Variants in TRABD observed in about 807,000 individuals in gnomAD.
The protein encoded by TRABD is traB domain-containing protein.
TRABD carries 23 observed loss-of-function variants against 39.6 expected under a neutral mutation model. The observed-to-expected ratio is 0.58, with a 90% CI of 0.42 to 0.82. TRABD has a LOEUF of 0.82. TRABD is among the 40% of genes least tolerant of loss of function. The pLI is 0.00. For synonymous variants in TRABD, 243 were observed against 232.1 expected, an observed-to-expected ratio of 1.05 and a Z score of -0.43; for missense variants, 487 against 544.9, an observed-to-expected ratio of 0.89 and a Z score of 1.06.
At chr22:50,187,478 G>C (rs905950771) in intron 1 of TRABD, among the ~76,000 whole-genome samples, 1 of 152,256 alleles carries the variant, frequency 6.6e-6, no homozygotes, top group Non-Finnish European at 1.5e-5. Context: ...GACCAGTTTG[G>C]AACCTGGGCT....
Position 50,197,990 on chromosome 22 carries a change from C to T in TRABD, c.839C>T (p.Ser280Phe). Reference sequence around the variant, plus strand: ...CGGCGCCTCGAGCTGCCTCGGGCCTCTGACGGTGACGGCCGCCCGCAGGCG... The same window carrying T: ...CGGCGCCTCGAGCTGCCTCGGGCCTTTGACGGTGACGGCCGCCCGCAGGCG... Reference protein sequence around the residue: ...AARRLELPRASDAEPRKCVPS... With the variant: ...AARRLELPRAFDAEPRKCVPS... The change falls in exon 8 of 10, where the codon TCT becomes TTT. Residue 280 changes from serine to phenylalanine, a missense_variant. Physicochemically the swap from Ser to Phe is radical, Grantham distance 155. This residue lies in a region of TRABD where 358 missense variants were observed against 414.7 expected (regional missense o/e 0.86). Transcript: ENST00000380909. The T allele has an allele frequency of 6.2e-7, 1 of 1,611,316 alleles. No homozygotes were observed. Among genetic ancestry groups the T allele is most frequent in the Middle Eastern group, 1.7e-4 (1 of 6,058 alleles).
chr22:50,193,617 G>A lies in TRABD; in HGVS notation c.75G>A (p.Pro25=), dbSNP rs748788228. Residue 25 remains proline (P), a synonymous_variant, in exon 3 of 10, where the codon CCG becomes CCA. Coordinates refer to ENST00000380909, the MANE Select transcript of TRABD (RefSeq NM_001320485.2). ...TTGTGCCGTCAGAGGCTTCAGAGCC[G>A]GTGCCCAGGGTGCTTTCTGGAGACC... The part of the protein sequence containing the change: ...EPVVPSEASE[P]VPRVLSGDPQ... 6.2e-5 allele frequency: 100 copies of A among 1,613,686 alleles called. No individual in the cohort carries two copies. The highest frequency in any genetic ancestry group is 2.7e-4 in the African/African-American group (20 of 74,918).
chr22:50,199,367 T>C lies in TRABD; in HGVS notation c.*848T>C. On this transcript the variant is annotated 3_prime_UTR_variant, in exon 10 of 10. Transcript: ENST00000380909. ...CAAGGACATGGGCTGTGGCCAGGCC[T>C]GTCCCGCTCAGGCCCCCTGCCCGGC... 2.3e-6 allele frequency: 1 copy of C among 435,208 alleles called. No homozygotes were observed. The highest frequency in any genetic ancestry group is 4.1e-6 in the Non-Finnish European group (1 of 241,332). The allele number at this position is 435,208 out of a possible 1,614,324, so 27.0% of individuals were successfully genotyped here.
chr22:50,187,150 C>CT (rs2063779859), intron 1 of TRABD, among the ~76,000 whole-genome samples: 1 of 151,884 alleles, frequency 6.6e-6, no homozygotes, highest in Non-Finnish European at 1.5e-5. Flanking sequence ...AGGAGGGGGC[C>CT]TGGCAGGGTG....
Position 50,198,412 on chromosome 22 carries a change from C to T in TRABD, c.1024C>T (p.Leu342=). The change falls in exon 10 of 10, where the codon CTG becomes TTG. Residue 342 remains leucine (L), a synonymous_variant. Coordinates refer to ENST00000380909, the MANE Select transcript of TRABD (RefSeq NM_001320485.2). This position sits in a 1 kb window ranked among gnomAD's most constrained non-coding sequence, Gnocchi z 7.9. ...CGTGAAGGCCGCCTTCTTCGGCCTGCTGGGCTACAGCCTGTACTGGATGGG... is the reference window on the plus strand; with the variant it reads ...CGTGAAGGCCGCCTTCTTCGGCCTGTTGGGCTACAGCCTGTACTGGATGGG... ...LAVKAAFFGL[L]GYSLYWMGRR... is the part of the protein sequence containing the mutation. 1 of 1,596,706 alleles carries T rather than the reference C, an allele frequency of 6.3e-7. No homozygotes were observed.
In TRABD at chr22:50,197,429, A is replaced by C; in HGVS notation, c.532-20A>C. 1 of 1,613,352 alleles carries C rather than the reference A, an allele frequency of 6.2e-7. No individual in the cohort carries two copies. The highest frequency in any genetic ancestry group is 8.5e-7 in the Non-Finnish European group (1 of 1,179,764). On this transcript the variant is annotated intron_variant, in intron 6 of 9. Coordinates refer to ENST00000380909, the MANE Select transcript of TRABD (RefSeq NM_001320485.2). ...GGTCCGGGGTTCCCACTGCTCCCCA[A>C]CACCCAGCCTCTGCTCCAGGCCAGC...
At chr22:50,189,180 C>G (rs573937075) in intron 1 of TRABD, among the ~76,000 whole-genome samples, 4 of 152,280 alleles carry the variant, frequency 2.6e-5, no homozygotes, top group African/African-American at 9.6e-5. Context: ...CGAGGCTGAC[C>G]GCTAAAGCAG....
Position 50,198,168 on chromosome 22 carries a change from A to G in TRABD, c.938A>G (p.Asn313Ser), listed in dbSNP as rs1350314201. The change falls in exon 9 of 10, where the codon AAC (asparagine) becomes AGC (serine). Residue 313 changes from asparagine (N) to serine (S), a missense_variant. By Grantham distance (46) the Asn-to-Ser change is conservative. Around this residue, in one of 3 missense-constraint regions of TRABD, gnomAD observed 123 missense variants for 108.3 expected, o/e 1.14. Coordinates refer to ENST00000380909, the MANE Select transcript of TRABD (RefSeq NM_001320485.2). This position sits in a 1 kb window ranked among gnomAD's most constrained non-coding sequence, Gnocchi z 7.9. ...GAGAAGAACTGGAGCACCGACCTCA[A>G]CATCCAGGAGATCATGACGTGAGTG... The part of the protein sequence containing the change: ...GIEKNWSTDL[N>S]IQEIMTVPPP... The G allele has an allele frequency of 1.9e-6, 3 of 1,611,548 alleles. No individual in the cohort carries two copies. Among genetic ancestry groups the G allele is most frequent in the Non-Finnish European group, 2.5e-6 (3 of 1,179,350 alleles).
rs373484760 is a variant in TRABD, at chr22:50,198,400, T to C, written c.1012T>C (p.Phe338Leu). ...RVSRLAVKAAFFGLLGYSLYW... is the reference protein window; with the variant it reads ...RVSRLAVKAALFGLLGYSLYW... ...GTCTCGGTTGGCCGTGAAGGCCGCCTTCTTCGGCCTGCTGGGCTACAGCCT... is the reference window on the plus strand; with the variant it reads ...GTCTCGGTTGGCCGTGAAGGCCGCCCTCTTCGGCCTGCTGGGCTACAGCCT... The change falls in exon 10 of 10, where the codon TTC becomes CTC. Residue 338 changes from phenylalanine to leucine, a missense_variant. Phe to Leu is a conservative substitution (Grantham distance 22, BLOSUM62 0). Transcript: ENST00000380909. This position sits in a 1 kb window ranked among gnomAD's most constrained non-coding sequence, Gnocchi z 7.9. 1 of 1,595,050 alleles carries C rather than the reference T, an allele frequency of 6.3e-7. No homozygotes were observed. Among genetic ancestry groups the C allele is most frequent in the East Asian group, 2.2e-5 (1 of 44,630 alleles).
intron 7 of TRABD, 113 bp downstream of exon 7, chr22:50,197,701 TTTCC>T: frequency 6.4e-7 from 1 of 1,569,546 alleles, no homozygotes; most frequent in Non-Finnish European, 8.7e-7. Context: ...TTCCCTGCCC[TTTCC>T]TTCCGCCACA....
chr22:50,190,028 G>C (rs1469753237), intron 1 of TRABD, among the ~76,000 whole-genome samples: 1 of 152,224 alleles, frequency 6.6e-6, no homozygotes, highest in Non-Finnish European at 1.5e-5. Flanking sequence ...GCAGACTAGA[G>C]GGAGGAGGGC....
chr22:50,199,230 G>A lies in TRABD; in HGVS notation c.*711G>A. 1.5e-6 allele frequency: 1 copy of A among 677,630 alleles called. No homozygotes were observed. The highest frequency in any genetic ancestry group is 2.7e-6 in the Non-Finnish European group (1 of 364,076). 42.0% of individuals were successfully genotyped at this position (677,630 alleles called of 1,614,324 possible). ...GCGTGCAGCCAAACATCAGCTCTGG[G>A]TCCAGGCGTGGCCTCAGCTGGGAGC... On this transcript the variant is annotated 3_prime_UTR_variant, in exon 10 of 10. Transcript: ENST00000380909.
rs753237643 is a variant in TRABD at position 50,197,566 on chromosome 22, T to C, written c.649T>C (p.Cys217Arg). Residue 217 changes from cysteine (C) to arginine (R), a missense_variant, in exon 7 of 10, where the codon TGC (cysteine) becomes CGC (arginine). Cys to Arg is a radical substitution (Grantham distance 180, BLOSUM62 -3). Transcript: ENST00000380909. The part of the protein sequence containing the change: ...WQKVRLAWGL[C>R]FLSDPISKDD... Reference sequence around the variant, plus strand: ...GAAGGTCAGGCTGGCTTGGGGCCTGTGCTTCCTGTCAGACCCCATCAGGTA... The same window carrying C: ...GAAGGTCAGGCTGGCTTGGGGCCTGCGCTTCCTGTCAGACCCCATCAGGTA... The C allele has an allele frequency of 6.2e-7, 1 of 1,613,284 alleles. No homozygotes were observed. Among genetic ancestry groups the C allele is most frequent in the Non-Finnish European group, 8.5e-7 (1 of 1,179,996 alleles).
intron 1 of TRABD, 66 bp from the exon 2 acceptor site, chr22:50,192,961 C>T (rs1312406603): frequency 6.4e-6 from 9 of 1,406,622 alleles, no homozygotes; most frequent in Admixed American, 5.9e-5. Flanking sequence ...CAGGGCACTA[C>T]GCAGTGAGTC....
At chr22:50,194,676 C>G (rs542669889) in intron 4 of TRABD, among the ~76,000 whole-genome samples, 170 bp downstream of exon 4, 1 of 152,370 alleles carries the variant, frequency 6.6e-6, no homozygotes, top group Admixed American at 6.5e-5. Flanking sequence ...GCCTGGGAGC[C>G]GTGACGGCCT....
chr22:50,189,415 C>T (rs939450614), intron 1 of TRABD, among the ~76,000 whole-genome samples: 6 of 152,248 alleles, frequency 3.9e-5, no homozygotes, highest in African/African-American at 1.2e-4. Context: ...CAGTCCTGCT[C>T]GGTGGACGTC....
chr22:50,195,578 T>C (rs757329979), intron 5 of TRABD, among the ~76,000 whole-genome samples: 3 of 151,986 alleles, frequency 2.0e-5, no homozygotes, highest in Non-Finnish European at 2.9e-5. Flanking sequence ...TGCTCCCGCC[T>C]CAGCCTCCTG....
intron 1 of TRABD, among the ~76,000 whole-genome samples, chr22:50,191,480 A>G (rs1266060232): frequency 6.6e-6 from 1 of 152,174 alleles, no homozygotes; most frequent in Non-Finnish European, 1.5e-5. Flanking sequence ...TTGCAGAGGA[A>G]AGGAACCTGA....
At chr22:50,189,434 G>T (rs904070811) in intron 1 of TRABD, among the ~76,000 whole-genome samples, 8 of 152,194 alleles carry the variant, frequency 5.3e-5, no homozygotes, top group African/African-American at 1.9e-4. Flanking sequence ...TCCGTGCGGG[G>T]CAGGGAGAGT....
Sources: allele counts gnomAD v4.1 joint callset (sites outside exome capture counted in the v4.1 genomes callset), GRCh38; gene constraint gnomAD v4.1.1; regional missense constraint gnomAD v4.1.1; non-coding constraint Gnocchi (gnomAD v3.1); transcripts MANE v1.5; gene names NCBI Gene and HGNC (gene_info 2026-07-23, HGNC 2026-07-21).